ROCK2: variants seen among roughly 807,000 people sequenced by gnomAD.
ROCK2 encodes Rho associated coiled-coil containing protein kinase 2, also known as rho-associated protein kinase 2.
Under a neutral mutation model 195.1 loss-of-function variants are expected in ROCK2, and 61 were observed. The observed-to-expected ratio is 0.31, with a 90% CI of 0.25 to 0.39. The LOEUF is 0.39. Among genes scored for constraint, ROCK2 ranks in the 10% least tolerant of loss-of-function variants. ROCK2 has a pLI of 1.00. For missense variants in ROCK2, 1,109 were observed against 1,637.4 expected (o/e 0.68, Z 5.57); for synonymous variants, 504 against 545.5 (o/e 0.92, Z 1.06).
chr2:11,243,794 A>C (rs575886749), intron 4 of ROCK2, among the ~76,000 whole-genome samples: 11 of 152,326 alleles, frequency 7.2e-5, no homozygotes, highest in African/African-American at 2.6e-4. Context: ...GAAACAAAGA[A>C]CATAGGTAAA....
chr2:11,295,703 TCCC>T (rs1329599747), intron 1 of ROCK2, among the ~76,000 whole-genome samples: 1 of 152,094 alleles, frequency 6.6e-6, no homozygotes, highest in Non-Finnish European at 1.5e-5. Context: ...ACGCCTGTAA[TCCC>T]AACTATTTGG....
In ROCK2 at chr2:11,249,667, C is replaced by T. The variant is rs202132553; in HGVS notation, c.456G>A (p.Val152=). 31 of 1,498,754 alleles carry T rather than the reference C, an allele frequency of 2.1e-5. No homozygotes were observed. Among genetic ancestry groups the T allele is most frequent in the Non-Finnish European group, 2.6e-5 (29 of 1,129,350 alleles). The allele number at this position is 1,498,754 out of a possible 1,614,324, so 92.8% of individuals were successfully genotyped here. ...TAAAAGTTAGTATGCTTACCTGAAC[C>T]ACCCAGGGGCTATTGGCAAAGGCCA... ...DIMAFANSPW[V]VQLFYAFQDD... is the part of the protein sequence containing the mutation. The change falls in exon 4 of 33, where the codon GTG becomes GTA. Residue 152 remains valine (V), a synonymous_variant. Transcript: ENST00000315872.
rs1158496323 is a variant in ROCK2, at chr2:11,235,119, T to C, written c.723+583A>G. On this transcript the variant is annotated intron_variant, in intron 5 of 32. Transcript: ENST00000315872. The surrounding 1 kb of genome is among the most constrained non-coding windows in gnomAD (Gnocchi z 4.2). ...CACTTACAGAGAAAAGGGCAAGATA[T>C]ATAAATTTTACAACCAAAATAAATC... Among the ~76,000 whole-genome samples the C allele has an allele frequency of 6.6e-6, 1 of 152,128 alleles. No homozygotes were observed. The highest frequency in any genetic ancestry group is 1.9e-4 in the East Asian group (1 of 5,186).
intron 3 of ROCK2, among the ~76,000 whole-genome samples, chr2:11,252,390 GAA>G (rs528040157): frequency 2.1e-4 from 28 of 133,494 alleles, no homozygotes; most frequent in Admixed American, 3.0e-4. Context: ...CAGCCTGGGT[GAA>G]AAAAAAAAAA....
At chr2:11,340,130 CA>C (rs541076405) in intron 1 of ROCK2, among the ~76,000 whole-genome samples, 128 of 152,228 alleles carry the variant, frequency 8.4e-4, no homozygotes, top group African/African-American at 2.9e-3. Flanking sequence ...ACCCTGGGAC[CA>C]AAATGTTTCC....
chr2:11,291,102 C>T (rs1486404693), intron 1 of ROCK2, among the ~76,000 whole-genome samples: 1 of 152,186 alleles, frequency 6.6e-6, no homozygotes, highest in Non-Finnish European at 1.5e-5. Context: ...CACCCAGTTT[C>T]CCCTACTATA....
In ROCK2 at chr2:11,211,602, T is replaced by A. The variant is rs187755198; in HGVS notation, c.2203+79A>T. 3.0e-5 allele frequency: 40 copies of A among 1,327,430 alleles called. 1 individual carries two copies. The East Asian group carries it at 6.6e-4, about 22-fold the overall frequency. The allele number at this position is 1,327,430 out of a possible 1,614,324, so 82.2% of individuals were successfully genotyped here. On this transcript the variant is annotated intron_variant, in intron 18 of 32. Transcript: ENST00000315872. ...TTTGACAATGAAATATAAAAAAAAA[T>A]GTTTCAAAACCAAAAAGCTAACACA...
At chr2:11,327,621 G>A (rs1229960610) in intron 1 of ROCK2, among the ~76,000 whole-genome samples, 1 of 152,154 alleles carries the variant, frequency 6.6e-6, no homozygotes, top group Admixed American at 6.5e-5. Flanking sequence ...AGAGTGCAAT[G>A]GTATAATCTC....
chr2:11,241,440 G>A (rs1348410071), intron 4 of ROCK2, among the ~76,000 whole-genome samples: 1 of 152,118 alleles, frequency 6.6e-6, no homozygotes, highest in Non-Finnish European at 1.5e-5. Context: ...AACATTTAAA[G>A]AGATAATGGC....
chr2:11,261,721 G>A (rs1170989521), intron 3 of ROCK2, among the ~76,000 whole-genome samples: 3 of 152,166 alleles, frequency 2.0e-5, no homozygotes, highest in African/African-American at 7.2e-5. Context: ...GGAAGCTGAG[G>A]CAGGAGAATC....
chr2:11,252,664 A>G (rs1032002791), intron 3 of ROCK2, among the ~76,000 whole-genome samples: 13 of 152,136 alleles, frequency 8.5e-5, no homozygotes, highest in Non-Finnish European at 1.3e-4. Flanking sequence ...ACATGGATGA[A>G]GCTGGAAACC....
At chr2:11,312,144 G>A (rs1437497184) in intron 1 of ROCK2, among the ~76,000 whole-genome samples, 5 of 151,948 alleles carry the variant, frequency 3.3e-5, no homozygotes, top group Non-Finnish European at 7.4e-5. Context: ...TACTACATAG[G>A]TGAAATTAAA....
Position 11,235,738 on chromosome 2 carries a change from T to C in ROCK2, c.687A>G (p.Lys229=), listed in dbSNP as rs1665181280. ...NMLLDKHGHL[K]LADFGTCMKM... is the part of the protein sequence containing the mutation. ...TCATACACGTGCCAAAATCTGCTAA[T>C]TTTAGATGTCCATGTTTATCCAAGA... The change falls in exon 5 of 33, where the codon AAA becomes AAG. Residue 229 remains lysine (K), a synonymous_variant. Coordinates refer to ENST00000315872, the MANE Select transcript of ROCK2 (RefSeq NM_004850.5). This position sits in a 1 kb window ranked among gnomAD's most constrained non-coding sequence, Gnocchi z 4.2. 1 of 1,612,966 alleles carries C rather than the reference T, an allele frequency of 6.2e-7. No homozygotes were observed. The highest frequency in any genetic ancestry group is 1.3e-5 in the African/African-American group (1 of 74,892).
chr2:11,208,985 A>G (rs1042556933), intron 18 of ROCK2, among the ~76,000 whole-genome samples: 4 of 152,208 alleles, frequency 2.6e-5, no homozygotes, highest in African/African-American at 9.6e-5. Flanking sequence ...GCAATATTAC[A>G]TCTATTCTAA....
intron 1 of ROCK2, among the ~76,000 whole-genome samples, chr2:11,343,376 TC>T (rs1339307964): frequency 6.6e-6 from 1 of 152,200 alleles, no homozygotes; most frequent in East Asian, 1.9e-4. Context: ...ACAGATTTAT[TC>T]CACTCCACAA....
intron 1 of ROCK2, among the ~76,000 whole-genome samples, chr2:11,314,922 T>C (rs1197429061): frequency 6.6e-6 from 1 of 152,060 alleles, no homozygotes; most frequent in Non-Finnish European, 1.5e-5. Context: ...TATTACTTTA[T>C]TAAAATGTGC....
chr2:11,272,019 CAA>C (rs34999311), intron 3 of ROCK2, among the ~76,000 whole-genome samples: 13 of 113,724 alleles, frequency 1.1e-4, no homozygotes, highest in Admixed American at 1.7e-4. Context: ...GACTCCATCT[CAA>C]AAAAAAAAAA....
At chr2:11,333,408 TA>T (rs1169574593) in intron 1 of ROCK2, among the ~76,000 whole-genome samples, 1 of 152,178 alleles carries the variant, frequency 6.6e-6, no homozygotes, top group African/African-American at 2.4e-5. Context: ...CTTTGTCTGC[TA>T]AATGAATACC....
chr2:11,222,307 T>C (rs1377072020), intron 7 of ROCK2, 133 bp from the exon 8 acceptor site: 3 of 555,998 alleles, frequency 5.4e-6, no homozygotes, highest in Non-Finnish European at 9.3e-6. Flanking sequence ...TCAGCTTAAA[T>C]GTTTCTCAAA....
Sources: allele counts gnomAD v4.1 joint callset (sites outside exome capture counted in the v4.1 genomes callset), GRCh38; gene constraint gnomAD v4.1.1; non-coding constraint Gnocchi (gnomAD v3.1); transcripts MANE v1.5; gene names NCBI Gene and HGNC (gene_info 2026-07-23, HGNC 2026-07-21).